The following TNR variants were observed in gnomAD, a reference collection of about 807,000 sequenced individuals.
The protein encoded by TNR is tenascin-R.
A neutral mutation model predicts 150.4 loss-of-function variants in TNR; 45 were observed. That is an observed-to-expected ratio of 0.30 (90% CI 0.24 to 0.38). The LOEUF (loss-of-function observed/expected upper bound fraction) is 0.38, where lower values mean the gene tolerates loss of function less well. TNR is among the 10% of genes least tolerant of loss of function. TNR has a pLI of 1.00. For missense variants in TNR, 1,544 were observed against 1,759.1 expected (o/e 0.88, Z 2.19); for synonymous variants, 687 against 678.4 (o/e 1.01, Z -0.20).
At chr1:175,583,729 C>T (rs1306170637) in intron 1 of TNR, among the ~76,000 whole-genome samples, 2 of 152,204 alleles carry the variant, frequency 1.3e-5, no homozygotes, top group African/African-American at 4.8e-5. Flanking sequence ...TCAGGGTGTC[C>T]TCTGACTGTA....
chr1:175,484,137 A>G (rs1657915412), intron 2 of TNR, among the ~76,000 whole-genome samples: 1 of 152,276 alleles, frequency 6.6e-6, no homozygotes, highest in Non-Finnish European at 1.5e-5. Context: ...AATGGAAGTC[A>G]GATGGATAAA....
rs73035424 is a variant in TNR, at chr1:175,683,592, A to C, written c.-165+59634T>G. ...CAGATGTGCCCTATCTTCTTTCCCC[A>C]GCCCAGGCTGGACATCCACAGGGAC... On this transcript the variant is annotated intron_variant, in intron 1 of 22. Transcript: ENST00000367674. 8.4e-3 allele frequency among the ~76,000 whole-genome samples: 1,274 copies of C among 152,274 alleles called. 13 individuals are homozygous for C. The highest frequency in any genetic ancestry group is 0.024 in the African/African-American group (992 of 41,536).
At chr1:175,620,015 G>A (rs140148504) in intron 1 of TNR, among the ~76,000 whole-genome samples, 23 of 152,324 alleles carry the variant, frequency 1.5e-4, no homozygotes, top group African/African-American at 5.3e-4. Context: ...AAATGGAAGG[G>A]GAGAATTAAA....
chr1:175,536,249 GGT>G, intron 1 of TNR, among the ~76,000 whole-genome samples: 1 of 152,120 alleles, frequency 6.6e-6, no homozygotes, highest in South Asian at 2.1e-4. Flanking sequence ...TCACTAGGCT[GGT>G]TGAATTTTTT....
chr1:175,652,514 T>C (rs1665030795), intron 1 of TNR, among the ~76,000 whole-genome samples: 2 of 152,160 alleles, frequency 1.3e-5, no homozygotes, highest in Non-Finnish European at 2.9e-5. Flanking sequence ...CCAAATTTCA[T>C]GTTAAATTGG....
At chr1:175,566,778 C>T (rs560276385) in intron 1 of TNR, among the ~76,000 whole-genome samples, 1 of 152,340 alleles carries the variant, frequency 6.6e-6, no homozygotes, top group South Asian at 2.1e-4. Flanking sequence ...TCTATTCCAT[C>T]CCTCTGCAAT....
intron 2 of TNR, among the ~76,000 whole-genome samples, chr1:175,456,395 T>A (rs904866924): frequency 6.6e-6 from 1 of 152,274 alleles, no homozygotes; most frequent in Non-Finnish European, 1.5e-5. Context: ...CTATTTATTT[T>A]GTTAATATTT....
chr1:175,448,665 A>G (rs934516373), intron 2 of TNR, among the ~76,000 whole-genome samples: 2 of 152,182 alleles, frequency 1.3e-5, no homozygotes, highest in Admixed American at 6.5e-5. Flanking sequence ...ACCAGAAGCC[A>G]CTGGAGGAAG....
At chr1:175,550,066 C>T (rs1032645821) in intron 1 of TNR, among the ~76,000 whole-genome samples, 1 of 152,174 alleles carries the variant, frequency 6.6e-6, no homozygotes, top group African/African-American at 2.4e-5. Context: ...GCTATTACAA[C>T]AGAGGAGAGG....
chr1:175,663,093 AG>A (rs1167213536), intron 1 of TNR, among the ~76,000 whole-genome samples: 1 of 152,156 alleles, frequency 6.6e-6, no homozygotes, highest in Non-Finnish European at 1.5e-5. Context: ...TTATCTTTTG[AG>A]GTCACAGGCT....
chr1:175,487,259 G>A (rs1300006957), intron 2 of TNR, among the ~76,000 whole-genome samples: 1 of 152,162 alleles, frequency 6.6e-6, no homozygotes, highest in African/African-American at 2.4e-5. Flanking sequence ...GCAAGCTTCT[G>A]TGAGAATCTA....
intron 1 of TNR, among the ~76,000 whole-genome samples, chr1:175,605,533 G>A (rs552193604): frequency 1.3e-5 from 2 of 152,312 alleles, no homozygotes; most frequent in African/African-American, 2.4e-5. Flanking sequence ...TAGCATTGTG[G>A]CCAGTGAAAT....
chr1:175,718,491 G>A (rs550609424), intron 1 of TNR, among the ~76,000 whole-genome samples: 1 of 152,344 alleles, frequency 6.6e-6, no homozygotes, highest in Non-Finnish European at 1.5e-5. Context: ...TCACAGGTAG[G>A]CAAATGCAAG....
intron 9 of TNR, among the ~76,000 whole-genome samples, chr1:175,370,282 G>A (rs1021221769): frequency 7.5e-5 from 11 of 147,376 alleles, no homozygotes; most frequent in Non-Finnish European, 1.3e-4. Context: ...GGATCTTAGC[G>A]GTAGTAGCTA....
intron 1 of TNR, among the ~76,000 whole-genome samples, chr1:175,611,226 CTTTAT>C (rs796232111): frequency 2.7e-4 from 41 of 152,292 alleles, no homozygotes; most frequent in African/African-American, 9.9e-4. Context: ...GGGAATCGCT[CTTTAT>C]TTTATCACAT....
intron 20 of TNR, 88 bp from the exon 21 acceptor site, chr1:175,330,323 G>T: frequency 3.6e-6 from 5 of 1,392,190 alleles, no homozygotes; most frequent in Non-Finnish European, 4.8e-6. Flanking sequence ...TTCAAAACAT[G>T]TTACAGGGAA....
At chr1:175,694,884 C>A (rs537203754) in intron 1 of TNR, among the ~76,000 whole-genome samples, 2 of 152,328 alleles carry the variant, frequency 1.3e-5, no homozygotes, top group African/African-American at 4.8e-5. Flanking sequence ...GCCTCCAGTA[C>A]CATGAGAAAG....
At chr1:175,333,256 TA>T (rs1219632028) in intron 20 of TNR, 1 of 152,246 alleles carries the variant, frequency 6.6e-6, no homozygotes, top group African/African-American at 2.4e-5. Context: ...ACATTTCTTT[TA>T]AAAATAGATT....
At chr1:175,601,302 G>A (rs143242811) in intron 1 of TNR, among the ~76,000 whole-genome samples, 362 of 152,300 alleles carry the variant, frequency 2.4e-3, no homozygotes, top group African/African-American at 7.9e-3. Flanking sequence ...TGAAAAAGCC[G>A]AAACCCTCGC....
Sources: allele counts gnomAD v4.1 joint callset (sites outside exome capture counted in the v4.1 genomes callset), GRCh38; gene constraint gnomAD v4.1.1; transcripts MANE v1.5; gene names NCBI Gene and HGNC (gene_info 2026-07-23, HGNC 2026-07-21).